The following AFAP1L2 variants were observed in gnomAD, a reference collection of about 807,000 sequenced individuals.
AFAP1L2 encodes the protein actin filament-associated protein 1-like 2.
In AFAP1L2, 46 loss-of-function variants were observed where a neutral mutation model predicts 99.3. The ratio of observed to expected loss-of-function variants is 0.46; its 90% CI spans 0.37 to 0.59. The LOEUF (loss-of-function observed/expected upper bound fraction) is 0.59, where lower values mean the gene tolerates loss of function less well. Ranked by LOEUF, AFAP1L2 falls within the 20% of genes least tolerant of loss-of-function variation. The pLI, the probability that AFAP1L2 is intolerant of heterozygous loss-of-function variation, is 0.00. For synonymous variants in AFAP1L2, 397 were observed against 419.1 expected (o/e 0.95, Z 0.64); for missense variants, 959 against 1,034.9 (o/e 0.93, Z 1.01).
At chr10:114,285,874 G>T in the AFAP1L2 span, 3 of 1,470,910 alleles carry the variant, frequency 2.0e-6, no homozygotes, top group East Asian at 2.3e-5. Context: ...TCGGCATCTC[G>T]GGTGGGACAG....
intron 1 of AFAP1L2, among the ~76,000 whole-genome samples, chr10:114,385,700 T>C (rs771013531): frequency 9.9e-5 from 15 of 152,284 alleles, no homozygotes; most frequent in Non-Finnish European, 1.8e-4. Flanking sequence ...TGAAAGTGTC[T>C]GACAGAAAAG....
At position 114,404,494 on chromosome 10, in the gene AFAP1L2, C is replaced by A; in HGVS notation, c.-39G>T. On this transcript the variant is annotated 5_prime_UTR_variant, in exon 1 of 19. Coordinates refer to ENST00000304129, the MANE Select transcript of AFAP1L2 (RefSeq NM_001001936.3). Reference sequence around the variant, plus strand: ...TGCGCTCCTCGCGGCTCGGCTTCTGCGCTGCTCTCCCGGCGCTCGGCTCAG... The same window carrying A: ...TGCGCTCCTCGCGGCTCGGCTTCTGAGCTGCTCTCCCGGCGCTCGGCTCAG... The A allele has an allele frequency of 6.5e-7, 1 of 1,527,790 alleles. No homozygotes were observed. The allele number at this position is 1,527,790 out of a possible 1,614,324, so 94.6% of individuals were successfully genotyped here.
intron 1 of AFAP1L2, among the ~76,000 whole-genome samples, chr10:114,368,079 A>G (rs1565002965): frequency 6.6e-6 from 1 of 152,192 alleles, no homozygotes; most frequent in African/African-American, 2.4e-5. Context: ...AGGCAGATGG[A>G]TGGATAAAGA....
chr10:114,301,936 T>TC (rs1432598786), intron 12 of AFAP1L2: 1 of 250,876 alleles, frequency 4.0e-6, no homozygotes, highest in Non-Finnish European at 7.8e-6. Flanking sequence ...GAACGCCCTC[T>TC]CCCTCAGCCC....
At chr10:114,404,103 G>A (rs1301811645) in intron 1 of AFAP1L2, among the ~76,000 whole-genome samples, 1 of 152,216 alleles carries the variant, frequency 6.6e-6, no homozygotes, top group Non-Finnish European at 1.5e-5. Flanking sequence ...CTCGGCCCCA[G>A]GCATCTTTCC....
chr10:114,352,982 C>T (rs1038954341), intron 1 of AFAP1L2, among the ~76,000 whole-genome samples: 3 of 152,218 alleles, frequency 2.0e-5, no homozygotes, highest in Admixed American at 1.3e-4. Flanking sequence ...CTGGGGAAAC[C>T]CCCTTTCCTT....
chr10:114,398,358 G>A (rs778988705), intron 1 of AFAP1L2, among the ~76,000 whole-genome samples: 10 of 152,198 alleles, frequency 6.6e-5, no homozygotes, highest in Admixed American at 6.5e-4. Flanking sequence ...TGCTATCTCT[G>A]AGAAGCTAGG....
chr10:114,304,114 C>T (rs544755289), intron 11 of AFAP1L2, among the ~76,000 whole-genome samples: 11 of 152,270 alleles, frequency 7.2e-5, no homozygotes, highest in African/African-American at 2.6e-4. Flanking sequence ...GGTCTTTCAG[C>T]CACCAGAGGG....
At chr10:114,293,750 G>T (rs1469723034), downstream of AFAP1L2, among the ~76,000 whole-genome samples, 1 of 152,078 alleles carries the variant, frequency 6.6e-6, no homozygotes, top group African/African-American at 2.4e-5. Flanking sequence ...GAATACCCTA[G>T]TTCTAATAAT....
intron 1 of AFAP1L2, among the ~76,000 whole-genome samples, chr10:114,394,537 C>T (rs2057488993): frequency 6.6e-6 from 1 of 151,890 alleles, no homozygotes; most frequent in South Asian, 2.1e-4. Flanking sequence ...ATCCAGGAGA[C>T]CTGGAGACCT....
In AFAP1L2 at chr10:114,295,545, G is replaced by GGGCCTGGTAATATTGGAGAGAACTGAA; in HGVS notation, c.*470_*496dup. On this transcript the variant is annotated 3_prime_UTR_variant, in exon 19 of 19. Coordinates refer to ENST00000304129, the MANE Select transcript of AFAP1L2 (RefSeq NM_001001936.3). ...GTTTAAAATCACTGAAGACTGAGTTGGGCCTGGTAATATTGGAGAGAACTG... is the reference window on the plus strand; with the variant it reads ...GTTTAAAATCACTGAAGACTGAGTTGGGCCTGGTAATATTGGAGAGAACTGAAGGCCTGGTAATATTGGAGAGAACTG... The GGGCCTGGTAATATTGGAGAGAACTGAA allele has an allele frequency of 2.0e-6, 2 of 985,922 alleles. No individual in the cohort carries two copies. Among genetic ancestry groups the GGGCCTGGTAATATTGGAGAGAACTGAA allele is most frequent in the African/African-American group, 3.5e-5 (2 of 57,370 alleles). The allele number at this position is 985,922 out of a possible 1,614,324, so 61.1% of individuals were successfully genotyped here. A position where few individuals can be genotyped will look rare whatever the true frequency, so the allele number is the denominator to read the frequency against.
chr10:114,286,643 C>T, the AFAP1L2 span: 2 of 716,858 alleles, frequency 2.8e-6, no homozygotes, highest in Admixed American at 6.4e-5. Flanking sequence ...CTCTTTCAGG[C>T]ACCAGTCACA....
chr10:114,364,756 C>T (rs2136694110), intron 1 of AFAP1L2, among the ~76,000 whole-genome samples: 2 of 152,298 alleles, frequency 1.3e-5, no homozygotes, highest in Non-Finnish European at 2.9e-5. Flanking sequence ...TCTTTGAGCC[C>T]TCTCACCTGT....
intron 10 of AFAP1L2, 64 bp downstream of exon 10, chr10:114,307,741 G>A (rs2042640348): frequency 5.0e-6 from 7 of 1,403,916 alleles, no homozygotes; most frequent in Admixed American, 1.7e-5. Context: ...GTCTGAGCTC[G>A]CCTTCCTGCA....
intron 1 of AFAP1L2, among the ~76,000 whole-genome samples, chr10:114,400,293 G>C (rs183508354): frequency 7.9e-5 from 12 of 152,278 alleles, no homozygotes; most frequent in Admixed American, 2.0e-4. Context: ...CCCTTCAGAA[G>C]AGAGGAAGGG....
intron 7 of AFAP1L2, among the ~76,000 whole-genome samples, chr10:114,311,360 G>A (rs919540291): frequency 2.6e-5 from 4 of 152,240 alleles, no homozygotes; most frequent in Non-Finnish European, 5.9e-5. Flanking sequence ...ATTAGTTAGA[G>A]TGATTTCATA....
chr10:114,394,427 A>G (rs1590857890), intron 1 of AFAP1L2, among the ~76,000 whole-genome samples: 1 of 143,744 alleles, frequency 7.0e-6, no homozygotes, highest in African/African-American at 2.6e-5. Flanking sequence ...TGAGACCACC[A>G]GAGGCCTGGG....
intron 2 of AFAP1L2, among the ~76,000 whole-genome samples, chr10:114,337,396 C>T (rs896728191): frequency 2.0e-5 from 3 of 152,244 alleles, no homozygotes; most frequent in Non-Finnish European, 4.4e-5. Flanking sequence ...TGTACCTACT[C>T]TGCAGTCTAA....
At chr10:114,384,118 G>A (rs915791751) in intron 1 of AFAP1L2, among the ~76,000 whole-genome samples, 3 of 152,188 alleles carry the variant, frequency 2.0e-5, no homozygotes, top group African/African-American at 7.2e-5. Context: ...ACTGCAGAGG[G>A]TTTTACATAT....
Sources: allele counts gnomAD v4.1 joint callset (sites outside exome capture counted in the v4.1 genomes callset), GRCh38; gene constraint gnomAD v4.1.1; transcripts MANE v1.5; gene names NCBI Gene and HGNC (gene_info 2026-07-23, HGNC 2026-07-21).